ANXA11: variants seen among roughly 807,000 people sequenced by gnomAD.
ANXA11 encodes the protein 56 kDa autoantigen.
In ANXA11, 57 loss-of-function variants were observed where a neutral mutation model predicts 64.7. The ratio of observed to expected loss-of-function variants is 0.88; its 90% CI spans 0.71 to 1.10. The LOEUF (loss-of-function observed/expected upper bound fraction) is 1.10, where lower values mean the gene tolerates loss of function less well. ANXA11 is among the 50% of genes least tolerant of loss of function. ANXA11 has a pLI of 0.00. For synonymous variants in ANXA11, 260 were observed against 265.2 expected, an observed-to-expected ratio of 0.98 and a Z score of 0.19; for missense variants, 675 against 670.7, an observed-to-expected ratio of 1.01 and a Z score of -0.07.
intron 1 of ANXA11, among the ~76,000 whole-genome samples, chr10:80,183,598 T>C (rs1172963027): frequency 6.6e-6 from 1 of 152,244 alleles, no homozygotes; most frequent in Non-Finnish European, 1.5e-5. Flanking sequence ...TGCAGGCAGC[T>C]GACGACAAAA....
At chr10:80,166,789 TC>T in intron 7 of ANXA11, 100 bp downstream of exon 7, 1 of 886,312 alleles carries the variant, frequency 1.1e-6, no homozygotes, top group Non-Finnish European at 1.8e-6. Context: ...TTACTGTCCA[TC>T]CGGGAGATCC....
chr10:80,161,034 C>T (rs554728862), intron 12 of ANXA11, among the ~76,000 whole-genome samples: 42 of 152,328 alleles, frequency 2.8e-4, no homozygotes, highest in Middle Eastern at 3.4e-3. Context: ...CGACAGGCTT[C>T]GCTGCTTGGC....
chr10:80,162,484 G>A (rs1183328505), intron 11 of ANXA11, among the ~76,000 whole-genome samples: 3 of 152,244 alleles, frequency 2.0e-5, no homozygotes, highest in Non-Finnish European at 4.4e-5. Flanking sequence ...TGCTGACTGG[G>A]CACAGAAGAC....
chr10:80,174,383 T>A (rs2132431890), intron 2 of ANXA11, among the ~76,000 whole-genome samples: 1 of 151,980 alleles, frequency 6.6e-6, no homozygotes, highest in Admixed American at 6.6e-5. Context: ...TTCAAGTGAT[T>A]CTCCTGCCTC....
intron 1 of ANXA11, among the ~76,000 whole-genome samples, chr10:80,198,717 C>A (rs2132503753): frequency 6.6e-6 from 1 of 151,968 alleles, no homozygotes; most frequent in East Asian, 1.9e-4. Flanking sequence ...TTAACCTCGA[C>A]CCTGATTTTT....
intron 3 of ANXA11, 193 bp from the exon 4 acceptor site, chr10:80,171,108 A>G (rs1845957619): frequency 6.7e-7 from 1 of 1,501,854 alleles, no homozygotes; most frequent in South Asian, 1.3e-5. Context: ...AGGAGGGGAA[A>G]CCTTCCCCTC....
chr10:80,191,173 C>T (rs574065076), intron 1 of ANXA11, among the ~76,000 whole-genome samples: 3 of 151,782 alleles, frequency 2.0e-5, no homozygotes, highest in Non-Finnish European at 4.4e-5. Context: ...TGCAGTGAGC[C>T]GAGATCATGC....
chr10:80,157,418 C>T (rs559649029), intron 15 of ANXA11: 1 of 985,382 alleles, frequency 1.0e-6, no homozygotes, highest in Admixed American at 6.1e-5. Context: ...TTCTCTGATG[C>T]TGCTGGGGGA....
intron 1 of ANXA11, among the ~76,000 whole-genome samples, chr10:80,188,623 T>A (rs1445568190): frequency 6.6e-6 from 1 of 151,768 alleles, no homozygotes; most frequent in African/African-American, 2.4e-5. Context: ...GCTTGCTGTG[T>A]GACCCCCCTG....
At position 80,152,083 on chromosome 10, in the gene ANXA11, T is replaced by C. The variant is rs1845166965; in HGVS notation, c.*3770A>G. ...AGGCTATCTGTCTCAGGTGCAAAAC[T>C]ATTTAATAGTGTTTCCTCCAGCGCC... On this transcript the variant is annotated 3_prime_UTR_variant, in exon 16 of 16. Transcript: ENST00000422982. 1 of 152,190 alleles carries C rather than the reference T, an allele frequency of 6.6e-6. No homozygotes were observed. The highest frequency in any genetic ancestry group is 1.5e-5 in the Non-Finnish European group (1 of 68,030). 9.4% of individuals were successfully genotyped at this position (152,190 alleles called of 1,614,324 possible).
chr10:80,172,942 G>A (rs749301490), intron 2 of ANXA11, 73 bp from the exon 3 acceptor site: 1 of 1,365,620 alleles, frequency 7.3e-7, no homozygotes, highest in Admixed American at 1.7e-5. Flanking sequence ...CCAGCTTCTT[G>A]AAAGGGCAGC....
At chr10:80,157,218 AGGG>A in intron 15 of ANXA11, 1 of 985,384 alleles carries the variant, frequency 1.0e-6, no homozygotes, top group Non-Finnish European at 1.2e-6. Flanking sequence ...CGTGACCCCC[AGGG>A]CCCTCGCTCT....
intron 8 of ANXA11, among the ~76,000 whole-genome samples, chr10:80,164,865 G>A (rs956874956): frequency 6.6e-6 from 1 of 152,216 alleles, no homozygotes; most frequent in African/African-American, 2.4e-5. Context: ...GGCCTGTCAG[G>A]CAGGACGTGC....
At chr10:80,165,798 G>T (rs61860025) in intron 8 of ANXA11, among the ~76,000 whole-genome samples, 17,204 of 152,026 alleles carry the variant, frequency 0.11, 1,198 homozygotes, top group South Asian at 0.24. Flanking sequence ...CTTCAAACCC[G>T]AGCTCCCCCT....
rs780256561 is a variant in ANXA11, at chr10:80,162,014, G to A, written c.1101C>T (p.Ala367=). ...CGTCTGTTCCCAGGCGGTTCTCCCC[G>A]GCCGCATACAGCTCCTGGAGAGAGA... ...AQRDAQELYA[A]GENRLGTDES... is the part of the protein sequence containing the mutation. The change falls in exon 12 of 16, where the codon GCC becomes GCT. Residue 367 remains alanine, a synonymous_variant. Coordinates refer to ENST00000422982, the MANE Select transcript of ANXA11 (RefSeq NM_145868.2). The A allele has an allele frequency of 1.3e-5, 21 of 1,611,160 alleles. No individual in the cohort carries two copies. The highest frequency in any genetic ancestry group is 1.6e-4 in the Middle Eastern group (1 of 6,084).
chr10:80,198,024 C>T (rs1242262026), intron 1 of ANXA11, among the ~76,000 whole-genome samples: 2 of 152,110 alleles, frequency 1.3e-5, no homozygotes, highest in African/African-American at 4.8e-5. Flanking sequence ...ATGGAGTATG[C>T]GGATGCCAGA....
chr10:80,157,381 C>A, intron 15 of ANXA11: 1 of 985,392 alleles, frequency 1.0e-6, no homozygotes, highest in Non-Finnish European at 1.2e-6. Flanking sequence ...CTGAAGGTCA[C>A]GGTCAAGGTT....
chr10:80,171,584 G>C (rs1384292286), intron 3 of ANXA11: 1 of 967,068 alleles, frequency 1.0e-6, no homozygotes, highest in Non-Finnish European at 1.2e-6. Context: ...TGTATGCCTA[G>C]ACTGCTGTGA....
chr10:80,164,503 A>G (rs1264419245), intron 8 of ANXA11, among the ~76,000 whole-genome samples: 1 of 152,226 alleles, frequency 6.6e-6, no homozygotes, highest in Non-Finnish European at 1.5e-5. Flanking sequence ...GCGAGATGAC[A>G]ACAACTGAAA....
Sources: allele counts gnomAD v4.1 joint callset (sites outside exome capture counted in the v4.1 genomes callset), GRCh38; gene constraint gnomAD v4.1.1; transcripts MANE v1.5; gene names NCBI Gene and HGNC (gene_info 2026-07-23, HGNC 2026-07-21).